Variants in MRPS28 observed in about 807,000 individuals in gnomAD.
MRPS28 encodes the protein mitochondrial ribosomal protein S28.
MRPS28 carries 7 observed loss-of-function variants against 10.8 expected under a neutral mutation model. The ratio of observed to expected loss-of-function variants is 0.65; its 90% CI spans 0.37 to 1.22. MRPS28 has a LOEUF of 1.22. Among genes scored for constraint, MRPS28 ranks in the 50% most tolerant of loss-of-function variants. The probability of loss-of-function intolerance (pLI) is 0.02; values close to 1 mark genes in which losing one functional copy is unlikely to be tolerated. For synonymous variants in MRPS28, 121 were observed against 93.3 expected (o/e 1.30, Z -1.71); for missense variants, 265 against 232.9 (o/e 1.14, Z -0.90).
At chr8:79,925,997 G>GA (rs1158532607) in intron 2 of MRPS28, among the ~76,000 whole-genome samples, 2,090 of 79,522 alleles carry the variant, frequency 0.026, 41 homozygotes, top group African/African-American at 0.083. Context: ...GAAAAGAAAA[G>GA]AAAAAAAAAA....
chr8:79,965,270 G>A (rs753083594), intron 2 of MRPS28, among the ~76,000 whole-genome samples: 4 of 152,058 alleles, frequency 2.6e-5, no homozygotes, highest in Non-Finnish European at 5.9e-5. Context: ...ATAGTGTTAA[G>A]TAACTCACTT....
At chr8:79,957,899 T>G (rs549581319) in intron 2 of MRPS28, 1 of 152,810 alleles carries the variant, frequency 6.5e-6, no homozygotes, top group East Asian at 1.9e-4. Flanking sequence ...GATTCACATA[T>G]TACAGTGTGG....
At chr8:80,003,226 G>T in intron 1 of MRPS28, 46 bp from the exon 2 acceptor site, 3 of 1,296,122 alleles carry the variant, frequency 2.3e-6, no homozygotes, top group Non-Finnish European at 3.0e-6. Context: ...TCAACATGAA[G>T]GTATAATAAA....
intron 2 of MRPS28, among the ~76,000 whole-genome samples, chr8:79,959,226 T>A (rs1374143459): frequency 6.6e-6 from 1 of 152,086 alleles, no homozygotes; most frequent in Non-Finnish European, 1.5e-5. Context: ...TTATTAATAT[T>A]CTTATGACAC....
intron 2 of MRPS28, among the ~76,000 whole-genome samples, chr8:79,995,938 G>C (rs1186310219): frequency 1.3e-5 from 2 of 152,118 alleles, no homozygotes; most frequent in Non-Finnish European, 2.9e-5. Flanking sequence ...AGCAGTAAAG[G>C]AGAGATAACA....
intron 2 of MRPS28, among the ~76,000 whole-genome samples, chr8:79,945,384 A>G (rs1192835290): frequency 2.0e-5 from 3 of 152,248 alleles, no homozygotes; most frequent in East Asian, 3.8e-4. Context: ...ACCAGATGAT[A>G]GAGACAGCAT....
At chr8:79,919,988 T>C (rs1385111792) in intron 2 of MRPS28, among the ~76,000 whole-genome samples, 3 of 124,048 alleles carry the variant, frequency 2.4e-5, no homozygotes, top group African/African-American at 9.3e-5. Flanking sequence ...CCCCTTCCTG[T>C]GTCCATGTGT....
At chr8:79,970,985 C>T (rs569017700) in intron 2 of MRPS28, among the ~76,000 whole-genome samples, 4 of 152,212 alleles carry the variant, frequency 2.6e-5, no homozygotes, top group African/African-American at 9.6e-5. Context: ...TGGAAAAATG[C>T]CGCCTTTAAT....
intron 1 of MRPS28, chr8:80,028,867 A>C (rs1586107320): frequency 3.3e-5 from 5 of 153,778 alleles, no homozygotes; most frequent in African/African-American, 1.2e-4. Context: ...GCTATGAAGC[A>C]GGAGGATCAC....
chr8:79,948,037 G>A (rs1806971244), intron 2 of MRPS28, among the ~76,000 whole-genome samples: 2 of 150,176 alleles, frequency 1.3e-5, no homozygotes, highest in African/African-American at 4.9e-5. Context: ...ACCCAGGCTG[G>A]AGTGCAGTGG....
At chr8:79,925,636 A>G (rs1019820372) in intron 2 of MRPS28, among the ~76,000 whole-genome samples, 6 of 152,224 alleles carry the variant, frequency 3.9e-5, no homozygotes, top group Non-Finnish European at 7.3e-5. Flanking sequence ...TACATTATAA[A>G]TGGTATCAAT....
intron 2 of MRPS28, among the ~76,000 whole-genome samples, chr8:79,987,532 C>T (rs1808225565): frequency 6.6e-6 from 1 of 152,088 alleles, no homozygotes; most frequent in African/African-American, 2.4e-5. Flanking sequence ...ACTCATCTGA[C>T]AAAGGGCTAA....
intron 1 of MRPS28, chr8:80,029,793 G>C (rs559141698): frequency 1.9e-4 from 292 of 1,518,640 alleles, no homozygotes; most frequent in Non-Finnish European, 2.5e-4. Flanking sequence ...AGGAAAACAA[G>C]CGCAGTGTGG....
chr8:80,001,070 A>G (rs1374841605), intron 2 of MRPS28, among the ~76,000 whole-genome samples: 1 of 152,222 alleles, frequency 6.6e-6, no homozygotes, highest in African/African-American at 2.4e-5. Flanking sequence ...AAACTTGACT[A>G]AGCAGTTGAA....
chr8:79,921,450 T>A (rs1403691438), intron 2 of MRPS28, among the ~76,000 whole-genome samples: 1 of 151,226 alleles, frequency 6.6e-6, no homozygotes, highest in Non-Finnish European at 1.5e-5. Flanking sequence ...TTTGTTTGTA[T>A]CCTCTTTTAT....
At chr8:79,996,803 A>C (rs761072249) in intron 2 of MRPS28, among the ~76,000 whole-genome samples, 2 of 152,200 alleles carry the variant, frequency 1.3e-5, no homozygotes, top group Non-Finnish European at 1.5e-5. Context: ...CATATGTAAG[A>C]CTGTTTTAGG....
rs145049915 is a variant in MRPS28, at chr8:80,012,016, G to A, written c.214-8836C>T. ...CAACTGTTTAAAAAGATTCTCTTGA[G>A]ATTTTTAGTAAGTCTGCAGTTAAAT... is the stretch of plus-strand genomic sequence containing the variant. On this transcript the variant is annotated intron_variant, in intron 1 of 2. Transcript: ENST00000276585. Among the ~76,000 whole-genome samples the A allele has an allele frequency of 6.4e-3, 972 of 152,232 alleles. 8 individuals are homozygous for A. Among genetic ancestry groups the A allele is most frequent in the African/African-American group, 0.022 (908 of 41,548 alleles).
At chr8:79,963,379 G>A (rs532242025) in intron 2 of MRPS28, among the ~76,000 whole-genome samples, 25 of 152,088 alleles carry the variant, frequency 1.6e-4, no homozygotes, top group South Asian at 8.3e-4. Context: ...AAAAAACCAC[G>A]TATTTTTTTC....
At chr8:79,996,624 C>T (rs867773536) in intron 2 of MRPS28, among the ~76,000 whole-genome samples, 3 of 152,206 alleles carry the variant, frequency 2.0e-5, no homozygotes, top group South Asian at 2.1e-4. Flanking sequence ...CTACATCACA[C>T]TGGTGATTAT....
Sources: allele counts gnomAD v4.1 joint callset (sites outside exome capture counted in the v4.1 genomes callset), GRCh38; gene constraint gnomAD v4.1.1; transcripts MANE v1.5; gene names NCBI Gene and HGNC (gene_info 2026-07-23, HGNC 2026-07-21).